Variants in FGF13 observed in about 807,000 individuals in gnomAD.
FGF13 encodes the protein fibroblast growth factor homologous factor 2.
Under a neutral mutation model 19.5 loss-of-function variants are expected in FGF13, and 2 were observed. The observed-to-expected ratio is 0.10, with a 90% confidence interval of 0.04 to 0.32. FGF13 has a LOEUF of 0.32. FGF13 is among the 10% of genes least tolerant of loss of function. FGF13 has a pLI of 1.00. For synonymous variants in FGF13, 72 were observed against 76.9 expected (o/e 0.94, Z 0.33); for missense variants, 113 against 192.7 (o/e 0.59, Z 2.45).
intron 1 of FGF13, chrX:138,985,004 C>G (rs184249333): frequency 2.8e-6 from 1 of 360,512 alleles, no homozygotes; most frequent in Non-Finnish European, 5.6e-6. Flanking sequence ...CTTAATCATA[C>G]TAATGTCTCT....
intron 1 of FGF13, among the ~76,000 whole-genome samples, chrX:138,954,095 CGAGAGA>C (rs199755534): frequency 1.1e-4 from 10 of 94,181 alleles, no homozygotes; most frequent in Middle Eastern, 5.8e-3. Flanking sequence ...GTAAATTTAA[CGAGAGA>C]GAGAGAGAGA....
At chrX:139,147,889 T>C (rs1477501187) in intron 1 of FGF13, among the ~76,000 whole-genome samples, 1 of 109,560 alleles carries the variant, frequency 9.1e-6, no homozygotes, top group African/African-American at 3.3e-5. Context: ...TTGAAGGTAA[T>C]GCATCTGCAA....
chrX:138,819,074 C>A (rs1420150223), intron 3 of FGF13, among the ~76,000 whole-genome samples: 3 of 110,823 alleles, frequency 2.7e-5, no homozygotes, highest in Middle Eastern at 4.7e-3. Flanking sequence ...ACTTTTTTTT[C>A]GGAAGCCCCA....
chrX:139,110,413 G>A (rs1007705772), intron 1 of FGF13, among the ~76,000 whole-genome samples: 4 of 109,897 alleles, frequency 3.6e-5, no homozygotes, highest in Admixed American at 9.7e-5. Flanking sequence ...TCACGGGGGC[G>A]GTTTCCCCTC....
chrX:138,848,685 T>G (rs1392322528), intron 3 of FGF13, among the ~76,000 whole-genome samples: 2 of 111,506 alleles, frequency 1.8e-5, no homozygotes, highest in Non-Finnish European at 3.8e-5. Flanking sequence ...TTTTCTTTGT[T>G]TGTTTGTTTG....
rs149697830 is a variant in FGF13 at position 138,777,699 on chromosome X, G to A, written c.218-68771C>T. Among the ~76,000 whole-genome samples the A allele has an allele frequency of 7.3e-3, 816 of 111,621 alleles. 8 individuals carry two copies. The highest frequency in any genetic ancestry group is 0.012 in the Non-Finnish European group (664 of 53,141). On this transcript the variant is annotated intron_variant, in intron 3 of 6. Transcript: ENST00000436198. The stretch of plus-strand genomic sequence containing the variant: ...AAACCATGCCGACCAAAATAGCACC[G>A]CGAAAGCTCTAAAAATATTAAACTG...
chrX:138,879,595 GT>G (rs2091411236), intron 1 of FGF13, among the ~76,000 whole-genome samples: 2 of 111,488 alleles, frequency 1.8e-5, no homozygotes, highest in Non-Finnish European at 3.8e-5. Context: ...TGCCATGGTG[GT>G]TTGCTGCACC....
rs191646576 is a variant in FGF13 at position 138,643,989 on chromosome X, G to A, written c.403-8334C>T. Among the ~76,000 whole-genome samples the A allele has an allele frequency of 2.7e-5, 3 of 111,926 alleles. No homozygotes were observed. In the East Asian group the frequency reaches 8.5e-4, roughly 32 times the overall value. The stretch of plus-strand genomic sequence containing the variant: ...TTGTGGCAGTCCTCTTCTCTGTACT[G>A]ACTTCAGAGTGGGATCTAAATCCAG... On this transcript the variant is annotated intron_variant, in intron 3 of 4. Coordinates refer to ENST00000315930, the MANE Select transcript of FGF13 (RefSeq NM_004114.5).
chrX:139,080,232 C>G (rs184764436), intron 1 of FGF13, among the ~76,000 whole-genome samples: 1 of 111,726 alleles, frequency 9.0e-6, no homozygotes, highest in Non-Finnish European at 1.9e-5. Context: ...GATCACCAAC[C>G]TCCTTGCTGT....
At chrX:138,885,861 T>A (rs1357786793) in intron 1 of FGF13, among the ~76,000 whole-genome samples, 1 of 110,732 alleles carries the variant, frequency 9.0e-6, no homozygotes, top group East Asian at 2.8e-4. Context: ...AATAAATATT[T>A]CCTTAATTTT....
rs760052250 is a variant in FGF13, at chrX:138,937,222, G to A, written c.-112-72572C>T. Among the ~76,000 whole-genome samples, 4 of 111,610 alleles carry A rather than the reference G, an allele frequency of 3.6e-5. No homozygotes were observed. The South Asian group carries it at 1.5e-3, about 42-fold the overall frequency. ...AGCTCACTAGGGCTAGAGTTACACA[G>A]TATGTTGAGAACGAAAGACCCAGAG... is the stretch of plus-strand genomic sequence containing the variant. On this transcript the variant is annotated intron_variant, in intron 1 of 2. Transcript: ENST00000421460.
chrX:138,926,880 C>T (rs951292822), intron 1 of FGF13, among the ~76,000 whole-genome samples: 3 of 111,356 alleles, frequency 2.7e-5, no homozygotes, highest in Non-Finnish European at 5.7e-5. Flanking sequence ...TGCTTGAATC[C>T]GGGAGGCAGA....
chrX:138,830,082 T>C (rs1321942296), intron 3 of FGF13, among the ~76,000 whole-genome samples: 1 of 111,920 alleles, frequency 8.9e-6, no homozygotes, highest in Non-Finnish European at 1.9e-5. Flanking sequence ...AGAAAACAAA[T>C]AAAAACAGAA....
chrX:138,987,263 G>T (rs186515668), intron 1 of FGF13, among the ~76,000 whole-genome samples: 1 of 111,703 alleles, frequency 9.0e-6, no homozygotes, highest in African/African-American at 3.2e-5. Context: ...TAAGTATTCC[G>T]ATCTCCCTGG....
intron 1 of FGF13, among the ~76,000 whole-genome samples, chrX:139,062,822 G>A (rs920812119): frequency 8.9e-6 from 1 of 111,871 alleles, no homozygotes; most frequent in African/African-American, 3.2e-5. Context: ...CTTTACTTAG[G>A]TAGATAGGAA....
chrX:138,824,368 G>A (rs2091019901), intron 3 of FGF13, among the ~76,000 whole-genome samples: 2 of 111,823 alleles, frequency 1.8e-5, no homozygotes, highest in Admixed American at 1.9e-4. Context: ...GATGAAAGAA[G>A]AAAACAATAA....
At chrX:138,936,478 C>T (rs748070269) in intron 1 of FGF13, among the ~76,000 whole-genome samples, 26 of 112,284 alleles carry the variant, frequency 2.3e-4, no homozygotes, top group Non-Finnish European at 4.1e-4. Context: ...AGTAAGGGCT[C>T]ACTAAGCATT....
chrX:138,956,111 A>G (rs1290767577), intron 1 of FGF13, among the ~76,000 whole-genome samples: 1 of 111,975 alleles, frequency 8.9e-6, no homozygotes, highest in East Asian at 2.8e-4. Context: ...CCTGAAGCCA[A>G]ACAAGCACCA....
intron 3 of FGF13, among the ~76,000 whole-genome samples, chrX:138,821,760 T>G: frequency 8.9e-6 from 1 of 111,952 alleles, no homozygotes; most frequent in Middle Eastern, 4.6e-3. Context: ...AAAAGAGATT[T>G]CTATGGTTCT....
Sources: allele counts gnomAD v4.1 joint callset (sites outside exome capture counted in the v4.1 genomes callset), GRCh38; gene constraint gnomAD v4.1.1; transcripts MANE v1.5; gene names NCBI Gene and HGNC (gene_info 2026-07-23, HGNC 2026-07-21).